GRM5: variants seen among roughly 807,000 people sequenced by gnomAD.
The protein encoded by GRM5 is metabotropic glutamate receptor 5.
GRM5 carries 19 observed loss-of-function variants against 83.1 expected under a neutral mutation model. The observed-to-expected ratio is 0.23, with a 90% CI of 0.16 to 0.34. GRM5 has a LOEUF of 0.34. GRM5 is among the 10% of genes least tolerant of loss of function. The probability of loss-of-function intolerance (pLI) is 1.00; values close to 1 mark genes in which losing one functional copy is unlikely to be tolerated. For missense variants in GRM5, 1,160 were observed against 1,588.3 expected (o/e 0.73, Z 4.58); for synonymous variants, 675 against 633.6 (o/e 1.07, Z -0.98).
intron 6 of GRM5, 77 bp downstream of exon 6, chr11:88,597,107 A>G: frequency 1.1e-6 from 1 of 931,180 alleles, no homozygotes; most frequent in Non-Finnish European, 1.6e-6. Context: ...AGTGTCTAAA[A>G]TTTTTAAAAA....
intron 2 of GRM5, among the ~76,000 whole-genome samples, chr11:88,995,009 G>A (rs1940131674): frequency 6.6e-6 from 1 of 152,144 alleles, no homozygotes; most frequent in East Asian, 1.9e-4. Context: ...GCCAAACCCT[G>A]GAGATAAAGA....
At chr11:88,986,579 C>T (rs1939718631) in intron 2 of GRM5, among the ~76,000 whole-genome samples, 1 of 151,634 alleles carries the variant, frequency 6.6e-6, no homozygotes. Flanking sequence ...TGTATGGGTC[C>T]CTTACACATT....
intron 2 of GRM5, among the ~76,000 whole-genome samples, chr11:88,881,323 TAA>T (rs1432502039): frequency 7.2e-6 from 1 of 139,580 alleles, no homozygotes; most frequent in Non-Finnish European, 1.6e-5. Context: ...ATAATAGGCC[TAA>T]AAAAAAAAAA....
At chr11:88,758,840 G>A (rs553260565) in intron 3 of GRM5, among the ~76,000 whole-genome samples, 1 of 152,258 alleles carries the variant, frequency 6.6e-6, no homozygotes, top group African/African-American at 2.4e-5. Flanking sequence ...GGCAGCTGGA[G>A]AGAAAGCTCA....
At chr11:88,833,916 A>G (rs1590895417) in intron 3 of GRM5, among the ~76,000 whole-genome samples, 2 of 152,148 alleles carry the variant, frequency 1.3e-5, no homozygotes, top group South Asian at 2.1e-4. Context: ...GGACCAAAAA[A>G]AAGGTTTTCG....
At chr11:89,017,577 T>C (rs1456889265) in intron 2 of GRM5, among the ~76,000 whole-genome samples, 1 of 152,200 alleles carries the variant, frequency 6.6e-6, no homozygotes, top group Non-Finnish European at 1.5e-5. Flanking sequence ...AAGAGAAGAA[T>C]GATAACTCCC....
intron 3 of GRM5, among the ~76,000 whole-genome samples, chr11:88,784,180 A>T (rs1240882840): frequency 1.3e-5 from 2 of 152,074 alleles, no homozygotes; most frequent in Non-Finnish European, 2.9e-5. Flanking sequence ...TAAAACAAGC[A>T]TGTATCTTGT....
intron 3 of GRM5, among the ~76,000 whole-genome samples, chr11:88,795,816 TC>T (rs1943264753): frequency 6.6e-6 from 1 of 152,150 alleles, no homozygotes; most frequent in African/African-American, 2.4e-5. Context: ...TCATAGTGGA[TC>T]CCTTAGCCTG....
chr11:88,525,492 G>C (rs1941850462), intron 8 of GRM5, 88 bp from the exon 9 acceptor site: 1 of 800,926 alleles, frequency 1.2e-6, no homozygotes. Flanking sequence ...TGACTGTGGA[G>C]ATGGTCACTC....
intron 3 of GRM5, among the ~76,000 whole-genome samples, chr11:88,694,180 T>C (rs1940849732): frequency 6.6e-6 from 1 of 152,224 alleles, no homozygotes; most frequent in Non-Finnish European, 1.5e-5. Context: ...AGACACTTCC[T>C]TTACAAATTA....
chr11:88,984,731 G>A, intron 2 of GRM5: 1 of 702,056 alleles, frequency 1.4e-6, no homozygotes, highest in Non-Finnish European at 2.6e-6. Context: ...GTTTATTAAA[G>A]CTATAGGAGA....
chr11:88,959,006 T>C (rs1054094251), intron 2 of GRM5, among the ~76,000 whole-genome samples: 10 of 152,168 alleles, frequency 6.6e-5, no homozygotes, highest in East Asian at 3.9e-4. Context: ...TTTAAAATGC[T>C]GTGATACCAT....
At position 88,687,553 on chromosome 11, in the gene GRM5, C is replaced by CACATATATTAT. The variant is rs1940667174; in HGVS notation, c.912-34151_912-34150insATAATATATGT. Reference sequence around the variant, plus strand: ...ACATATATATACACACACACACACACATATATATTATATATATATATATAT... The same window carrying CACATATATTAT: ...ACATATATATACACACACACACACACACATATATTATATATATATTATATATATATATATAT... On this transcript the variant is annotated intron_variant, in intron 3 of 9. Transcript: ENST00000305447. Among the ~76,000 whole-genome samples the CACATATATTAT allele has an allele frequency of 1.3e-4, 2 of 14,912 alleles. 1 individual carries two copies. The highest frequency in any genetic ancestry group is 4.8e-4 in the African/African-American group (2 of 4,174). 9.8% of individuals were successfully genotyped at this position (14,912 alleles called of 152,430 possible). A position where few individuals can be genotyped will look rare whatever the true frequency, so the allele number is the denominator to read the frequency against.
intron 2 of GRM5, among the ~76,000 whole-genome samples, chr11:88,965,064 G>A (rs1938908362): frequency 6.6e-6 from 1 of 152,056 alleles, no homozygotes; most frequent in Admixed American, 6.6e-5. Context: ...TTTTCTATAG[G>A]TGTTATAAAC....
At chr11:88,648,963 TTA>T (rs1939546805) in intron 4 of GRM5, among the ~76,000 whole-genome samples, 1 of 147,314 alleles carries the variant, frequency 6.8e-6, no homozygotes, top group African/African-American at 2.6e-5. Context: ...TTCTACAGGC[TTA>T]AGGAGCTCTG....
chr11:88,559,197 T>C (rs1942699916), intron 8 of GRM5, among the ~76,000 whole-genome samples: 2 of 152,132 alleles, frequency 1.3e-5, no homozygotes, highest in Admixed American at 1.3e-4. Context: ...CACAATCAAA[T>C]TTGGTTCATT....
chr11:88,565,938 C>T (rs1942864839), intron 8 of GRM5, among the ~76,000 whole-genome samples: 1 of 152,022 alleles, frequency 6.6e-6, no homozygotes, highest in African/African-American at 2.4e-5. Flanking sequence ...GTATCTTTAC[C>T]ATCATAATAA....
intron 1 of GRM5, among the ~76,000 whole-genome samples, chr11:89,050,055 T>G (rs1941726275): frequency 6.6e-6 from 1 of 152,212 alleles, no homozygotes; most frequent in South Asian, 2.1e-4. Context: ...AGAGACCTGG[T>G]GTCCTGTCAG....
rs914702518 is a variant in GRM5 at position 89,048,027 on chromosome 11, A to G, written c.-155T>C. The G allele has an allele frequency of 4.9e-6, 3 of 612,272 alleles. No individual in the cohort carries two copies. The highest frequency in any genetic ancestry group is 5.7e-6 in the Non-Finnish European group (2 of 347,870). 37.9% of individuals were successfully genotyped at this position (612,272 alleles called of 1,614,324 possible). A position where few individuals can be genotyped will look rare whatever the true frequency, so the allele number is the denominator to read the frequency against. On this transcript the variant is annotated 5_prime_UTR_variant, in exon 2 of 10. It removes an upstream start codon present in the reference 5' UTR. Transcript: ENST00000305447. The stretch of plus-strand genomic sequence containing the variant: ...TTTTCTAAAGGACCATTTTGTCCCC[A>G]TGTACCATTTAGTTAGATGATCCAT...
Sources: gnomAD v4.1 joint callset for allele counts (sites outside exome capture counted in the v4.1 genomes callset) on GRCh38, gnomAD v4.1.1 for gene constraint, MANE v1.5 for transcripts, NCBI Gene and HGNC (gene_info 2026-07-23, HGNC 2026-07-21) for gene names.